The following PTGER4 variants were observed in gnomAD, a reference collection of about 807,000 sequenced individuals.
The protein encoded by PTGER4 is prostaglandin E2 receptor EP4 subtype.
PTGER4 carries 11 observed loss-of-function variants against 33.2 expected under a neutral mutation model. The observed-to-expected ratio is 0.33, with a 90% CI of 0.21 to 0.55. PTGER4 has a LOEUF of 0.55. Among genes scored for constraint, PTGER4 ranks in the 20% least tolerant of loss-of-function variants. The probability of loss-of-function intolerance (pLI) is 0.92; values close to 1 mark genes in which losing one functional copy is unlikely to be tolerated. For synonymous variants in PTGER4, 275 were observed against 281.5 expected, an observed-to-expected ratio of 0.98 and a Z score of 0.23; for missense variants, 481 against 650.2, an observed-to-expected ratio of 0.74 and a Z score of 2.83.
the PTGER4 span, among the ~76,000 whole-genome samples, chr5:40,700,782 C>G: frequency 1.1e-4 from 16 of 152,152 alleles, no homozygotes; most frequent in African/African-American, 3.4e-4. Flanking sequence ...GGAACCCACA[C>G]CTTCAGAGCA....
chr5:40,684,888 G>A (rs1283928407), intron 2 of PTGER4, among the ~76,000 whole-genome samples: 1 of 152,096 alleles, frequency 6.6e-6, no homozygotes, highest in Admixed American at 6.5e-5. Flanking sequence ...AACAAGAAGT[G>A]AGAGTCTACA....
chr5:40,701,832 T>G, the PTGER4 span, among the ~76,000 whole-genome samples: 1 of 152,124 alleles, frequency 6.6e-6, no homozygotes, highest in Admixed American at 6.5e-5. Context: ...ACAGCAGACC[T>G]GTCAACTGAA....
chr5:40,693,125 G>A lies in PTGER4; in HGVS notation c.*747G>A, dbSNP rs1308022678. On this transcript the variant is annotated 3_prime_UTR_variant, in exon 3 of 3. Coordinates refer to ENST00000302472, the MANE Select transcript of PTGER4 (RefSeq NM_000958.3). ...CAAAATACTGTTCTTTCCAGGCTAT[G>A]TATAAAATACATAGTGAAAATTGTT... 1.1e-6 allele frequency: 1 copy of A among 951,676 alleles called. No homozygotes were observed. Among genetic ancestry groups the A allele is most frequent in the East Asian group, 1.1e-4 (1 of 8,698 alleles). The allele number at this position is 951,676 out of a possible 1,614,324, so 59.0% of individuals were successfully genotyped here. A position where few individuals can be genotyped will look rare whatever the true frequency, so the allele number is the denominator to read the frequency against.
chr5:40,713,037 T>C, the PTGER4 span, among the ~76,000 whole-genome samples: 3 of 152,116 alleles, frequency 2.0e-5, no homozygotes, highest in Admixed American at 6.6e-5. Flanking sequence ...AAGAAAAACT[T>C]AACTTTCTCA....
chr5:40,736,043 A>G, the PTGER4 span, among the ~76,000 whole-genome samples: 1 of 152,214 alleles, frequency 6.6e-6, no homozygotes, highest in Non-Finnish European at 1.5e-5. Flanking sequence ...AGAGAAAAGA[A>G]GAAACAGATT....
rs139647691 is a variant in PTGER4 at position 40,681,188 on chromosome 5, C to T, written c.195C>T (p.Asp65=). ...YTLVCGLAVT[D]LLGTLLVSPV... is the part of the protein sequence containing the mutation. ...TGGTATGTGGGCTGGCTGTCACCGA[C>T]CTGTTGGGCACTTTGTTGGTGAGCC... is the stretch of plus-strand genomic sequence containing the variant. The change falls in exon 2 of 3, where the codon GAC becomes GAT. Residue 65 remains aspartate (D), a synonymous_variant. Coordinates refer to ENST00000302472, the MANE Select transcript of PTGER4 (RefSeq NM_000958.3). The surrounding 1 kb of genome is among the most constrained non-coding windows in gnomAD (Gnocchi z 9.8). The T allele has an allele frequency of 5.7e-5, 92 of 1,614,160 alleles. No homozygotes were observed. In the African/African-American group the frequency reaches 1.1e-3, roughly 20 times the overall value.
the PTGER4 span, chr5:40,715,256 A>T: frequency 6.6e-6 from 1 of 152,224 alleles, no homozygotes; most frequent in Admixed American, 6.5e-5. Context: ...AAATGGAAAG[A>T]CACAAGCAAG....
chr5:40,735,651 G>T, the PTGER4 span, among the ~76,000 whole-genome samples: 290 of 152,346 alleles, frequency 1.9e-3, 1 homozygote, highest in African/African-American at 6.5e-3. Flanking sequence ...ACAGATGATT[G>T]TTGATCTGGA....
the PTGER4 span, among the ~76,000 whole-genome samples, chr5:40,714,255 CT>C: frequency 3.9e-5 from 6 of 152,116 alleles, no homozygotes; most frequent in Admixed American, 6.5e-5. Flanking sequence ...AAAAGTTCTC[CT>C]TTTTTAAAAT....
chr5:40,731,316 A>AGTCC, the PTGER4 span, among the ~76,000 whole-genome samples: 1 of 152,160 alleles, frequency 6.6e-6, no homozygotes, highest in Non-Finnish European at 1.5e-5. Context: ...GGGTTTTTAT[A>AGTCC]GTCCCTACCC....
downstream of PTGER4, among the ~76,000 whole-genome samples, chr5:40,698,253 G>A (rs1347176323): frequency 6.6e-6 from 1 of 151,774 alleles, no homozygotes; most frequent in Non-Finnish European, 1.5e-5. Flanking sequence ...ACACCAGCCT[G>A]GGCAACAAAC....
chr5:40,718,332 G>A, the PTGER4 span, among the ~76,000 whole-genome samples: 24 of 151,732 alleles, frequency 1.6e-4, no homozygotes, highest in Non-Finnish European at 7.4e-5. Context: ...TTTGAACCCC[G>A]GAGGCAGAGG....
At chr5:40,722,954 G>C in the PTGER4 span, among the ~76,000 whole-genome samples, 1 of 152,210 alleles carries the variant, frequency 6.6e-6, no homozygotes, top group African/African-American at 2.4e-5. Context: ...ACAGCTCATT[G>C]AGAGCGGGCC....
At chr5:40,742,185 T>C in the PTGER4 span, among the ~76,000 whole-genome samples, 1 of 152,114 alleles carries the variant, frequency 6.6e-6, no homozygotes, top group South Asian at 2.1e-4. Flanking sequence ...TGGCTGTCAG[T>C]AGAAATCCAT....
At chr5:40,737,270 C>T in the PTGER4 span, among the ~76,000 whole-genome samples, 8 of 151,084 alleles carry the variant, frequency 5.3e-5, no homozygotes, top group East Asian at 1.9e-4. Context: ...GCACTCCAGC[C>T]GCCTGGGCAA....
At chr5:40,719,948 C>T in the PTGER4 span, among the ~76,000 whole-genome samples, 5 of 152,164 alleles carry the variant, frequency 3.3e-5, no homozygotes, top group Admixed American at 3.3e-4. Flanking sequence ...AGACCTTTAT[C>T]AGATATATGA....
chr5:40,720,240 A>G, the PTGER4 span, among the ~76,000 whole-genome samples: 1 of 152,194 alleles, frequency 6.6e-6, no homozygotes, highest in African/African-American at 2.4e-5. Context: ...ATGTGAAGTA[A>G]GAGTCCAAAG....
At position 40,691,863 on chromosome 5, in the gene PTGER4, G is replaced by C; in HGVS notation, c.952G>C (p.Ala318Pro). 1 of 1,614,236 alleles carries C rather than the reference G, an allele frequency of 6.2e-7. No individual in the cohort carries two copies. Among genetic ancestry groups the C allele is most frequent in the Non-Finnish European group, 8.5e-7 (1 of 1,180,040 alleles). ...TCCAGATTTGCAGGCCATCCGAATTGCTTCTGTGAACCCCATCCTAGACCC... is the reference window on the plus strand; with the variant it reads ...TCCAGATTTGCAGGCCATCCGAATTCCTTCTGTGAACCCCATCCTAGACCC... ...KNPDLQAIRI[A>P]SVNPILDPWI... The change falls in exon 3 of 3, where the codon GCT (alanine) becomes CCT (proline). Residue 318 changes from alanine (A) to proline (P), a missense_variant. Physicochemically the swap from Ala to Pro is conservative, Grantham distance 27. Around this residue, in one of 7 missense-constraint regions of PTGER4, gnomAD observed 3 missense variants for 18.4 expected, o/e 0.16. Transcript: ENST00000302472. The surrounding 1 kb of genome is among the most constrained non-coding windows in gnomAD (Gnocchi z 4.2).
At chr5:40,703,459 GA>G in the PTGER4 span, among the ~76,000 whole-genome samples, 51 of 152,216 alleles carry the variant, frequency 3.4e-4, no homozygotes, top group African/African-American at 1.2e-3. Context: ...TCAATTCCCT[GA>G]ACAGACCAAT....
Sources: allele counts gnomAD v4.1 joint callset (sites outside exome capture counted in the v4.1 genomes callset), GRCh38; gene constraint gnomAD v4.1.1; regional missense constraint gnomAD v4.1.1; non-coding constraint Gnocchi (gnomAD v3.1); transcripts MANE v1.5; gene names NCBI Gene and HGNC (gene_info 2026-07-23, HGNC 2026-07-21).